GNA12: variants seen among roughly 807,000 people sequenced by gnomAD.
The protein encoded by GNA12 is G protein subunit alpha 12.
Under a neutral mutation model 26.0 loss-of-function variants are expected in GNA12, and 9 were observed. That is an observed-to-expected ratio of 0.35 (90% CI 0.21 to 0.60). The LOEUF is 0.60. Ranked by LOEUF, GNA12 falls within the 20% of genes least tolerant of loss-of-function variation. The probability of loss-of-function intolerance (pLI) is 0.78; values close to 1 mark genes in which losing one functional copy is unlikely to be tolerated. For missense variants in GNA12, 405 were observed against 525.8 expected (o/e 0.77, Z 2.25); for synonymous variants, 264 against 219.6 (o/e 1.20, Z -1.79).
intron 2 of GNA12, among the ~76,000 whole-genome samples, chr7:2,784,196 C>T (rs1017091812): frequency 2.6e-5 from 4 of 152,184 alleles, no homozygotes; most frequent in Admixed American, 1.3e-4. Context: ...TGGCTCACTG[C>T]AGCCTCAACC....
chr7:2,830,242 ATCT>A (rs1562448941), intron 1 of GNA12, among the ~76,000 whole-genome samples: 1 of 152,200 alleles, frequency 6.6e-6, no homozygotes, highest in African/African-American at 2.4e-5. Flanking sequence ...ACACCCTAGA[ATCT>A]TCTTTTTGCC....
intron 1 of GNA12, among the ~76,000 whole-genome samples, chr7:2,835,250 C>G (rs1778804393): frequency 1.3e-5 from 2 of 152,082 alleles, no homozygotes; most frequent in African/African-American, 4.8e-5. Context: ...TGAGGCACAC[C>G]CCACCACCAG....
chr7:2,795,164 G>A (rs770558705), intron 1 of GNA12, 21 bp from the exon 2 acceptor site: 1 of 1,584,428 alleles, frequency 6.3e-7, no homozygotes, highest in Non-Finnish European at 8.7e-7. Flanking sequence ...AAAGAAAGAA[G>A]AGAGGATTTA....
intron 2 of GNA12, among the ~76,000 whole-genome samples, chr7:2,749,377 T>G (rs1449230066): frequency 6.6e-6 from 1 of 152,072 alleles, no homozygotes; most frequent in East Asian, 1.9e-4. Flanking sequence ...TGGATGAAAC[T>G]AGAAACCATC....
At chr7:2,763,294 G>A (rs368620986) in intron 2 of GNA12, 2 of 198,984 alleles carry the variant, frequency 1.0e-5, no homozygotes, top group Admixed American at 6.4e-5. Flanking sequence ...GTGCTGTGAG[G>A]CTGAGACACA....
intron 2 of GNA12, among the ~76,000 whole-genome samples, chr7:2,748,957 T>C (rs1052575110): frequency 6.6e-6 from 1 of 151,962 alleles, no homozygotes; most frequent in East Asian, 1.9e-4. Flanking sequence ...AAAACCACAA[T>C]GAGATGCCAT....
In GNA12 at chr7:2,812,135, G is replaced by A. The variant is rs572414534; in HGVS notation, c.310-16992C>T. ...ACTCCTCACCAAAAACCTTAAAACCGGGCAAGTAAGTCCCTGTGTTACTAA... is the reference window on the plus strand; with the variant it reads ...ACTCCTCACCAAAAACCTTAAAACCAGGCAAGTAAGTCCCTGTGTTACTAA... On this transcript the variant is annotated intron_variant, in intron 1 of 3. Coordinates refer to ENST00000275364, the MANE Select transcript of GNA12 (RefSeq NM_007353.3). Among the ~76,000 whole-genome samples the A allele has an allele frequency of 2.5e-4, 38 of 152,248 alleles. No individual in the cohort carries two copies. In the South Asian group the frequency reaches 5.2e-3, roughly 21 times the overall value.
chr7:2,826,634 G>A (rs1793491245), intron 1 of GNA12, among the ~76,000 whole-genome samples: 1 of 152,140 alleles, frequency 6.6e-6, no homozygotes, highest in African/African-American at 2.4e-5. Flanking sequence ...AACATGCCAC[G>A]GAAAGACACA....
At chr7:2,762,925 A>T (rs1315800421) in intron 2 of GNA12, 2 of 1,403,230 alleles carry the variant, frequency 1.4e-6, no homozygotes, top group Non-Finnish European at 1.9e-6. Context: ...ACAGGCGGGG[A>T]CGCCCCAGAC....
intron 1 of GNA12, among the ~76,000 whole-genome samples, chr7:2,812,753 GCCA>G (rs1793116535): frequency 6.9e-6 from 1 of 145,328 alleles, no homozygotes. Flanking sequence ...CTTCACCAGG[GCCA>G]CATGAAGGCA....
intron 1 of GNA12, among the ~76,000 whole-genome samples, chr7:2,805,113 C>A (rs1206389344): frequency 6.6e-6 from 1 of 152,156 alleles, no homozygotes; most frequent in Non-Finnish European, 1.5e-5. Context: ...TCCACAAAGC[C>A]TTTAAACACC....
At chr7:2,759,405 G>A (rs1194443412) in intron 2 of GNA12, among the ~76,000 whole-genome samples, 4 of 152,168 alleles carry the variant, frequency 2.6e-5, no homozygotes, top group African/African-American at 4.8e-5. Flanking sequence ...CAATACTCAC[G>A]GTGTGTTATT....
intron 1 of GNA12, among the ~76,000 whole-genome samples, chr7:2,842,864 A>T (rs1779038787): frequency 6.6e-6 from 1 of 152,144 alleles, no homozygotes; most frequent in Non-Finnish European, 1.5e-5. Context: ...CAACTACACA[A>T]AGTTGGATTT....
intron 1 of GNA12, among the ~76,000 whole-genome samples, chr7:2,826,619 AAACT>A (rs1294090637): frequency 1.3e-5 from 2 of 152,198 alleles, no homozygotes; most frequent in Non-Finnish European, 1.5e-5. Flanking sequence ...GAAAAGAAAT[AAACT>A]AACATGCCAC....
Position 2,729,042 on chromosome 7 carries a change from G to A in GNA12, c.*2139C>T, listed in dbSNP as rs564545135. The A allele has an allele frequency of 6.6e-6, 1 of 152,524 alleles. No homozygotes were observed. Among genetic ancestry groups the A allele is most frequent in the African/African-American group, 2.4e-5 (1 of 41,604 alleles). The allele number at this position is 152,524 out of a possible 1,614,324, so 9.4% of individuals were successfully genotyped here. On this transcript the variant is annotated 3_prime_UTR_variant, in exon 4 of 4. Coordinates refer to ENST00000275364, the MANE Select transcript of GNA12 (RefSeq NM_007353.3). ...GAGTAAATATGTCAGACTGTTTAAA[G>A]GAAAACAAGCACTCATTGACAAGGC...
chr7:2,767,851 ATATTT>A (rs1554258640), intron 2 of GNA12, among the ~76,000 whole-genome samples: 2 of 152,114 alleles, frequency 1.3e-5, no homozygotes, highest in Admixed American at 6.6e-5. Flanking sequence ...AATGGAGACT[ATATTT>A]TATTTTATTT....
intron 1 of GNA12, among the ~76,000 whole-genome samples, chr7:2,796,953 C>T (rs1263643451): frequency 6.6e-6 from 1 of 152,188 alleles, no homozygotes; most frequent in African/African-American, 2.4e-5. Flanking sequence ...GGGCACACTG[C>T]ATACTCTCTG....
chr7:2,754,031 C>T (rs1238114303), intron 2 of GNA12, among the ~76,000 whole-genome samples: 4 of 152,224 alleles, frequency 2.6e-5, no homozygotes, highest in Admixed American at 6.5e-5. Context: ...TTAAGTTCAG[C>T]GTTACTCTCT....
chr7:2,775,080 C>G (rs967468489), intron 2 of GNA12, among the ~76,000 whole-genome samples: 3 of 152,228 alleles, frequency 2.0e-5, no homozygotes, highest in African/African-American at 7.2e-5. Flanking sequence ...GGATGACTAA[C>G]ATCTTTCAAG....
Sources: gnomAD v4.1 joint callset for allele counts (sites outside exome capture counted in the v4.1 genomes callset) on GRCh38, gnomAD v4.1.1 for gene constraint, MANE v1.5 for transcripts, NCBI Gene and HGNC (gene_info 2026-07-23, HGNC 2026-07-21) for gene names.